FERMT2: variants seen among roughly 807,000 people sequenced by gnomAD.
The protein encoded by FERMT2 is fermitin family homolog 2.
A neutral mutation model predicts 82.7 loss-of-function variants in FERMT2; 15 were observed. The ratio of observed to expected loss-of-function variants is 0.18; its 90% CI spans 0.12 to 0.28. The LOEUF (loss-of-function observed/expected upper bound fraction) is 0.28. FERMT2 is among the 10% of genes least tolerant of loss of function. The pLI, the probability that FERMT2 is intolerant of heterozygous loss-of-function variation, is 1.00. For missense variants in FERMT2, 645 were observed against 809.4 expected (o/e 0.80, Z 2.46); for synonymous variants, 274 against 271.5 (o/e 1.01, Z -0.09).
At chr14:52,947,286 C>G (rs556879897) in intron 2 of FERMT2, among the ~76,000 whole-genome samples, 2 of 152,044 alleles carry the variant, frequency 1.3e-5, no homozygotes, top group East Asian at 3.9e-4. Flanking sequence ...AAGACCATCC[C>G]GGTTAACACG....
At chr14:52,899,669 A>G (rs1471132056) in intron 3 of FERMT2, among the ~76,000 whole-genome samples, 1 of 152,206 alleles carries the variant, frequency 6.6e-6, no homozygotes, top group Non-Finnish European at 1.5e-5. Flanking sequence ...AGGTAGTTCC[A>G]TATTGGAACT....
At chr14:52,936,014 A>G (rs1395275508) in intron 2 of FERMT2, among the ~76,000 whole-genome samples, 1 of 152,170 alleles carries the variant, frequency 6.6e-6, no homozygotes, top group African/African-American at 2.4e-5. Flanking sequence ...TTTCTATCCA[A>G]TCCTGAAGGC....
At chr14:52,899,022 G>C (rs1887463635) in intron 3 of FERMT2, among the ~76,000 whole-genome samples, 1 of 152,030 alleles carries the variant, frequency 6.6e-6, no homozygotes. Flanking sequence ...TTTTCTGTCT[G>C]GCTCACAAAC....
At chr14:52,933,416 T>C (rs1889679263) in intron 2 of FERMT2, among the ~76,000 whole-genome samples, 1 of 152,026 alleles carries the variant, frequency 6.6e-6, no homozygotes, top group Admixed American at 6.6e-5. Flanking sequence ...CTTAAAAACT[T>C]TCCAAGTCTG....
At chr14:52,930,438 G>A (rs1053340536) in intron 2 of FERMT2, among the ~76,000 whole-genome samples, 4 of 152,142 alleles carry the variant, frequency 2.6e-5, no homozygotes, top group African/African-American at 9.7e-5. Flanking sequence ...CTTACCAACT[G>A]TATCATAAAG....
chr14:52,904,555 T>C (rs1566741578), intron 3 of FERMT2, among the ~76,000 whole-genome samples: 2 of 150,712 alleles, frequency 1.3e-5, no homozygotes, highest in Non-Finnish European at 1.5e-5. Flanking sequence ...TAGCCAGGCA[T>C]GGTGGCATGT....
rs3068969 is a variant in FERMT2, at chr14:52,892,456, G to GTTTTTTGTTTTTT, written c.526+836_526+837insAAAAAACAAAAAA. Among the ~76,000 whole-genome samples the GTTTTTTGTTTTTT allele has an allele frequency of 3.0e-5, 4 of 133,390 alleles. 1 individual carries two copies. Among genetic ancestry groups the GTTTTTTGTTTTTT allele is most frequent in the Non-Finnish European group, 6.2e-5 (4 of 64,442 alleles). 87.5% of individuals were successfully genotyped at this position (133,390 alleles called of 152,430 possible). ...AGTACCCCGCCTGGTGCTGTTTTTT[G>GTTTTTTGTTTTTT]TTTTTTTTTTTTTTTGAGATGGAGT... is the stretch of plus-strand genomic sequence containing the variant. On this transcript the variant is annotated intron_variant, in intron 4 of 14. Transcript: ENST00000341590.
intron 3 of FERMT2, among the ~76,000 whole-genome samples, chr14:52,903,312 AG>A (rs771582435): frequency 1.6e-4 from 24 of 152,036 alleles, no homozygotes; most frequent in Non-Finnish European, 2.9e-5. Flanking sequence ...CGAAGGTGGG[AG>A]GGCTGCTTGA....
chr14:52,864,584 T>C lies in FERMT2; in HGVS notation c.1419A>G (p.Leu473=). ...QYAHWMAACR[L]ASKGKTMADS... The stretch of plus-strand genomic sequence containing the variant: ...CCGCCATGGTCTTGCCTTTGGAGGC[T>C]AATCTGCAGGCTGCCATCCAGTGTG... Residue 473 remains leucine, a synonymous_variant, in exon 12 of 15, where the codon TTA becomes TTG. Transcript: ENST00000341590. The C allele has an allele frequency of 3.7e-6, 6 of 1,614,202 alleles. No individual in the cohort carries two copies. The highest frequency in any genetic ancestry group is 4.2e-6 in the Non-Finnish European group (5 of 1,180,022).
chr14:52,919,333 G>A lies in FERMT2; in HGVS notation c.181C>T (p.His61Tyr), dbSNP rs200801591. ...CTCTTCTTTTCCCACCAGAGAGCATGGTCAGACCAATCTTTTTTTACATCT... is the reference window on the plus strand; with the variant it reads ...CTCTTCTTTTCCCACCAGAGAGCATAGTCAGACCAATCTTTTTTTACATCT... Reference protein sequence around the residue: ...KLDVKKDWSDHALWWEKKRTW... With the variant: ...KLDVKKDWSDYALWWEKKRTW... The change falls in exon 3 of 15, where the codon CAT becomes TAT. Residue 61 changes from histidine (H) to tyrosine (Y), a missense_variant. Coordinates refer to ENST00000341590, the MANE Select transcript of FERMT2 (RefSeq NM_006832.3). The A allele has an allele frequency of 1.4e-5, 22 of 1,603,400 alleles. No homozygotes were observed. The highest frequency in any genetic ancestry group is 2.2e-5 in the East Asian group (1 of 44,730).
Position 52,875,871 on chromosome 14 carries a change from A to G in FERMT2, c.964-514T>C, listed in dbSNP as rs370527400. On this transcript the variant is annotated intron_variant, in intron 7 of 14. Coordinates refer to ENST00000341590, the MANE Select transcript of FERMT2 (RefSeq NM_006832.3). ...TCCCCATCCTTGCTTCATGTTCTGTATTCTCATATCTAAGAATGTTTGTAC... is the reference window on the plus strand; with the variant it reads ...TCCCCATCCTTGCTTCATGTTCTGTGTTCTCATATCTAAGAATGTTTGTAC... Among the ~76,000 whole-genome samples, 22 of 152,286 alleles carry G rather than the reference A, an allele frequency of 1.4e-4. No homozygotes were observed. In the East Asian group the frequency reaches 1.9e-3, roughly 13 times the overall value.
intron 1 of FERMT2, 100 bp from the exon 2 acceptor site, chr14:52,950,677 G>T: frequency 2.4e-6 from 3 of 1,249,584 alleles, no homozygotes; most frequent in Non-Finnish European, 3.4e-6. Context: ...GGAGGTGGTG[G>T]AGGACCCGGG....
At chr14:52,877,877 G>GT (rs1481303337) in intron 7 of FERMT2, among the ~76,000 whole-genome samples, 2 of 152,022 alleles carry the variant, frequency 1.3e-5, no homozygotes, top group African/African-American at 4.8e-5. Context: ...CATTACTCGG[G>GT]TATCTGAAAT....
chr14:52,922,793 G>C (rs1319172953), intron 2 of FERMT2, among the ~76,000 whole-genome samples: 1 of 152,192 alleles, frequency 6.6e-6, no homozygotes, highest in South Asian at 2.1e-4. Flanking sequence ...AATGGCCCAA[G>C]GACCAAATCC....
rs529840295 is a variant in FERMT2 at position 52,924,379 on chromosome 14, CCACCCTAAACTAGGGCT to C, written c.158-5040_158-5024del. Among the ~76,000 whole-genome samples, 210 of 151,966 alleles carry C rather than the reference CCACCCTAAACTAGGGCT, an allele frequency of 1.4e-3. 1 individual carries two copies. The highest frequency in any genetic ancestry group is 5.0e-3 in the African/African-American group (206 of 41,416). On this transcript the variant is annotated intron_variant, in intron 2 of 14. Transcript: ENST00000341590. ...TTTTAAAAAATACTGATGCCTGGCC[CCACCCTAAACTAGGGCT>C]ATTTTGGTTTGTGAACAGCTGTCTG... is the stretch of plus-strand genomic sequence containing the variant.
chr14:52,900,613 C>CT (rs1218949464), intron 3 of FERMT2, among the ~76,000 whole-genome samples: 1 of 152,016 alleles, frequency 6.6e-6, no homozygotes, highest in African/African-American at 2.4e-5. Flanking sequence ...GGAACAGTAA[C>CT]TTTGTAAACT....
At chr14:52,893,170 T>G in intron 4 of FERMT2, 123 bp downstream of exon 4, 1 of 845,228 alleles carries the variant, frequency 1.2e-6, no homozygotes, top group Non-Finnish European at 1.7e-6. Context: ...CTAATTGAAG[T>G]TTTTGTTTTT....
At chr14:52,895,275 G>C (rs1887192964) in intron 3 of FERMT2, among the ~76,000 whole-genome samples, 1 of 152,190 alleles carries the variant, frequency 6.6e-6, no homozygotes, top group Admixed American at 6.5e-5. Context: ...ACTATTAAAT[G>C]AGACAATTTT....
intron 3 of FERMT2, among the ~76,000 whole-genome samples, chr14:52,897,102 A>G (rs1396231316): frequency 6.6e-6 from 1 of 152,042 alleles, no homozygotes; most frequent in African/African-American, 2.4e-5. Context: ...AAATAACTGA[A>G]TCATTTAAAA....
Sources: allele counts gnomAD v4.1 joint callset (sites outside exome capture counted in the v4.1 genomes callset), GRCh38; gene constraint gnomAD v4.1.1; transcripts MANE v1.5; gene names NCBI Gene and HGNC (gene_info 2026-07-23, HGNC 2026-07-21).